Variants in MTDH observed in about 807,000 individuals in gnomAD.
The protein encoded by MTDH is protein LYRIC.
MTDH carries 34 observed loss-of-function variants against 72.7 expected under a neutral mutation model. That is an observed-to-expected ratio of 0.47 (90% CI 0.36 to 0.62). The LOEUF (loss-of-function observed/expected upper bound fraction) is 0.62, where lower values mean the gene tolerates loss of function less well. Ranked by LOEUF, MTDH falls within the 20% of genes least tolerant of loss-of-function variation. The pLI is 0.00. For missense variants in MTDH, 677 were observed against 699.4 expected (o/e 0.97, Z 0.36); for synonymous variants, 266 against 268.9 (o/e 0.99, Z 0.10).
intron 2 of MTDH, among the ~76,000 whole-genome samples, chr8:97,669,644 C>T (rs962701569): frequency 6.6e-6 from 1 of 152,118 alleles, no homozygotes; most frequent in Admixed American, 6.6e-5. Flanking sequence ...CCGCCAATCA[C>T]AGTGGCTCAT....
In MTDH at chr8:97,728,412, T is replaced by G. The variant is rs369087619; in HGVS notation, c.*3742T>G. 1 of 152,210 alleles carries G rather than the reference T, an allele frequency of 6.6e-6. No homozygotes were observed. 9.4% of individuals were successfully genotyped at this position (152,210 alleles called of 1,614,324 possible). On this transcript the variant is annotated 3_prime_UTR_variant, in exon 12 of 12. Transcript: ENST00000336273. Reference sequence around the variant, plus strand: ...TGGGAAGTCATATTGAATTAAGCACTTTTGAAAATGTCACTGTTTGTGACA... The same window carrying G: ...TGGGAAGTCATATTGAATTAAGCACGTTTGAAAATGTCACTGTTTGTGACA...
intron 1 of MTDH, among the ~76,000 whole-genome samples, chr8:97,646,378 T>G (rs777632136): frequency 5.3e-5 from 8 of 152,216 alleles, no homozygotes; most frequent in Non-Finnish European, 1.2e-4. Context: ...GGAACATAAA[T>G]AATTTAAAAA....
At chr8:97,694,635 C>T (rs1030593846) in intron 6 of MTDH, among the ~76,000 whole-genome samples, 8 of 152,146 alleles carry the variant, frequency 5.3e-5, no homozygotes, top group Admixed American at 6.6e-5. Context: ...AAGAGACATT[C>T]CCTTGCCTGG....
At chr8:97,699,646 G>T in intron 6 of MTDH, 108 bp from the exon 7 acceptor site, 2 of 659,588 alleles carry the variant, frequency 3.0e-6, no homozygotes, top group Non-Finnish European at 5.1e-6. Flanking sequence ...TTTCCTTTTA[G>T]GAGAAATTTT....
chr8:97,644,228 T>TGGCGCC lies in MTDH; in HGVS notation c.-277_-272dup, dbSNP rs1193622211. ...GAGGGAGGACAGCGGGGCCTGGCGC[T>TGGCGCC]GGCGCCGAGACGCCGCTTAGCGGCC... On this transcript the variant is annotated 5_prime_UTR_variant, in exon 1 of 12. Coordinates refer to ENST00000336273, the MANE Select transcript of MTDH (RefSeq NM_178812.4). 18 of 474,660 alleles carry TGGCGCC rather than the reference T, an allele frequency of 3.8e-5. No homozygotes were observed. The highest frequency in any genetic ancestry group is 5.3e-4 in the Middle Eastern group (1 of 1,872). The allele number at this position is 474,660 out of a possible 1,614,324, so 29.4% of individuals were successfully genotyped here.
intron 1 of MTDH, among the ~76,000 whole-genome samples, chr8:97,645,429 G>A (rs966943796): frequency 6.6e-6 from 1 of 152,176 alleles, no homozygotes; most frequent in African/African-American, 2.4e-5. Flanking sequence ...ACTGTTAAAG[G>A]GAAATGGTTG....
intron 6 of MTDH, among the ~76,000 whole-genome samples, chr8:97,695,988 C>T (rs1813820530): frequency 6.6e-6 from 1 of 152,172 alleles, no homozygotes; most frequent in African/African-American, 2.4e-5. Flanking sequence ...CTTAATTGCT[C>T]CAAAACTGCC....
At chr8:97,706,075 A>C (rs904891986) in intron 7 of MTDH, among the ~76,000 whole-genome samples, 1 of 152,212 alleles carries the variant, frequency 6.6e-6, no homozygotes, top group African/African-American at 2.4e-5. Flanking sequence ...AATATAAGAA[A>C]GTACAGGTTA....
chr8:97,652,872 A>C (rs557090039), intron 1 of MTDH, among the ~76,000 whole-genome samples: 95 of 152,270 alleles, frequency 6.2e-4, no homozygotes, highest in South Asian at 2.1e-3. Context: ...GGTGGTTCAC[A>C]CCTGTAATCC....
At chr8:97,685,115 A>G (rs892689397) in intron 2 of MTDH, among the ~76,000 whole-genome samples, 4 of 152,300 alleles carry the variant, frequency 2.6e-5, no homozygotes, top group African/African-American at 9.6e-5. Context: ...CTTCAGATAT[A>G]CTAAAAACCA....
At chr8:97,650,865 G>T (rs894504611) in intron 1 of MTDH, among the ~76,000 whole-genome samples, 1 of 152,024 alleles carries the variant, frequency 6.6e-6, no homozygotes, top group Non-Finnish European at 1.5e-5. Flanking sequence ...GACTACCTGG[G>T]ACCACAGGCA....
chr8:97,681,157 A>T (rs1813053058), intron 2 of MTDH, among the ~76,000 whole-genome samples: 1 of 152,190 alleles, frequency 6.6e-6, no homozygotes, highest in Non-Finnish European at 1.5e-5. Context: ...CATTTCAGGC[A>T]TTGAACATCG....
chr8:97,658,399 A>T (rs1812058570), intron 1 of MTDH, among the ~76,000 whole-genome samples: 1 of 152,212 alleles, frequency 6.6e-6, no homozygotes, highest in Non-Finnish European at 1.5e-5. Context: ...TCACTTTCAG[A>T]CTTTGTGTTG....
intron 2 of MTDH, among the ~76,000 whole-genome samples, chr8:97,677,180 C>CAAAAAA (rs71271142): frequency 9.7e-4 from 43 of 44,116 alleles, no homozygotes; most frequent in African/African-American, 4.2e-3. Flanking sequence ...AAGCCTGTCT[C>CAAAAAA]AAAAAAAAAA....
chr8:97,668,026 G>C (rs778877161), intron 2 of MTDH, among the ~76,000 whole-genome samples: 2 of 151,802 alleles, frequency 1.3e-5, no homozygotes, highest in African/African-American at 4.8e-5. Context: ...GGTGGCTCAC[G>C]CCTGTAATCC....
At chr8:97,669,501 C>T (rs565443936) in intron 2 of MTDH, among the ~76,000 whole-genome samples, 9 of 152,182 alleles carry the variant, frequency 5.9e-5, no homozygotes, top group Non-Finnish European at 1.2e-4. Context: ...AATCTCGTGT[C>T]CATTAGCAGT....
intron 2 of MTDH, among the ~76,000 whole-genome samples, chr8:97,678,517 C>T (rs1194795667): frequency 2.0e-5 from 3 of 150,112 alleles, no homozygotes; most frequent in African/African-American, 7.3e-5. Context: ...AGCTGAACAA[C>T]TTTTAAAAGC....
In MTDH at chr8:97,686,766, G is replaced by T; in HGVS notation, c.568+14G>T. 1 of 1,556,982 alleles carries T rather than the reference G, an allele frequency of 6.4e-7. No homozygotes were observed. The highest frequency in any genetic ancestry group is 1.2e-5 in the South Asian group (1 of 81,398). On this transcript the variant is annotated intron_variant, in intron 3 of 11. Transcript: ENST00000336273. ...AAGTTGATGAAGGTACTTGAGCAAG[G>T]GAAAGGACTGTAGAAAATTTTTTAA...
chr8:97,644,673 C>G lies in MTDH; in HGVS notation c.167C>G (p.Thr56Ser), dbSNP rs1303274610. The G allele has an allele frequency of 1.2e-6, 2 of 1,605,936 alleles. No individual in the cohort carries two copies. The highest frequency in any genetic ancestry group is 1.7e-6 in the Non-Finnish European group (2 of 1,177,792). Residue 56 changes from threonine (T) to serine (S), a missense_variant, in exon 1 of 12, where the codon ACT becomes AGT. By Grantham distance (58) the Thr-to-Ser change is moderately conservative (BLOSUM62 1). Around this residue, in one of 3 missense-constraint regions of MTDH, gnomAD observed 467 missense variants for 469.1 expected, o/e 1.00. Coordinates refer to ENST00000336273, the MANE Select transcript of MTDH (RefSeq NM_178812.4). ...RYPGWVILVG[T>S]GALGLLLLFL... The stretch of plus-strand genomic sequence containing the variant: ...CCCGGCTGGGTGATCCTGGTGGGCA[C>G]TGGCGCGCTCGGGCTGCTGCTGCTG...
Sources: gnomAD v4.1 joint callset for allele counts (sites outside exome capture counted in the v4.1 genomes callset) on GRCh38, gnomAD v4.1.1 for gene constraint, gnomAD v4.1.1 regional missense constraint, MANE v1.5 for transcripts, NCBI Gene and HGNC (gene_info 2026-07-23, HGNC 2026-07-21) for gene names.